Variants in KCNG2 observed in about 807,000 individuals in gnomAD.
The protein encoded by KCNG2 is potassium voltage-gated channel modifier subfamily G member 2.
KCNG2 carries 7 observed loss-of-function variants against 12.3 expected under a neutral mutation model. That is an observed-to-expected ratio of 0.57 (90% confidence interval 0.32 to 1.07). The LOEUF is 1.07. Ranked by LOEUF, KCNG2 falls within the 50% of genes least tolerant of loss-of-function variation. The probability of loss-of-function intolerance (pLI) is 0.04; values close to 1 mark genes in which losing one functional copy is unlikely to be tolerated. For missense variants in KCNG2, 703 were observed against 726.0 expected (o/e 0.97, Z 0.36); for synonymous variants, 414 against 351.4 (o/e 1.18, Z -1.99).
chr18:79,806,293 C>T (rs1344647467), intron 1 of KCNG2, among the ~76,000 whole-genome samples: 3 of 151,626 alleles, frequency 2.0e-5, no homozygotes, highest in African/African-American at 4.9e-5. Flanking sequence ...CAGGCAAGGC[C>T]GCTGTGTCGG....
chr18:79,890,531 C>G (rs981865995), intron 3 of KCNG2, among the ~76,000 whole-genome samples: 5 of 152,162 alleles, frequency 3.3e-5, no homozygotes, highest in African/African-American at 1.2e-4. Context: ...CATGAGCACC[C>G]AACGTTTAGC....
At chr18:79,850,287 G>A (rs761130706) in intron 1 of KCNG2, among the ~76,000 whole-genome samples, 73 of 152,210 alleles carry the variant, frequency 4.8e-4, no homozygotes, top group Non-Finnish European at 9.4e-4. Context: ...GGTGATTAAA[G>A]TTTGTATAAA....
chr18:79,817,778 C>T (rs1471618367), intron 1 of KCNG2, among the ~76,000 whole-genome samples: 1 of 152,244 alleles, frequency 6.6e-6, no homozygotes, highest in Non-Finnish European at 1.5e-5. Context: ...CCTGTGGCCT[C>T]ACAGCTTTGG....
intron 1 of KCNG2, among the ~76,000 whole-genome samples, chr18:79,854,876 T>C (rs1978957202): frequency 6.6e-6 from 1 of 152,142 alleles, no homozygotes; most frequent in Admixed American, 6.6e-5. Context: ...TTCTCCTCCA[T>C]GTGTGACTTT....
At chr18:79,855,096 G>A (rs189341313) in intron 1 of KCNG2, among the ~76,000 whole-genome samples, 4 of 150,878 alleles carry the variant, frequency 2.7e-5, no homozygotes, top group African/African-American at 7.3e-5. Flanking sequence ...TAATTCCTTC[G>A]TTCATTATTT....
intron 3 of KCNG2, among the ~76,000 whole-genome samples, chr18:79,897,179 C>G (rs1981009151): frequency 6.6e-6 from 1 of 151,392 alleles, no homozygotes; most frequent in Non-Finnish European, 1.5e-5. Context: ...TTTCCCTTCT[C>G]TCCTCTCCTT....
intron 3 of KCNG2, 61 bp from the exon 4 acceptor site, chr18:79,898,979 A>G (rs1981081438): frequency 7.7e-7 from 1 of 1,291,424 alleles, no homozygotes; most frequent in Admixed American, 2.9e-5. Flanking sequence ...AAGGAAGGGC[A>G]AGGCGCCCCC....
chr18:79,889,392 A>G (rs957584568), intron 3 of KCNG2, among the ~76,000 whole-genome samples: 4 of 152,190 alleles, frequency 2.6e-5, no homozygotes, highest in African/African-American at 9.7e-5. Flanking sequence ...CTTGATAACA[A>G]ATTGTTCTTT....
At chr18:79,879,956 G>A (rs541141761) in intron 3 of KCNG2, among the ~76,000 whole-genome samples, 320 of 152,290 alleles carry the variant, frequency 2.1e-3, no homozygotes, top group Non-Finnish European at 3.2e-3. Flanking sequence ...TAAAACTTCA[G>A]GAGAAACAAA....
intron 3 of KCNG2, among the ~76,000 whole-genome samples, chr18:79,894,637 T>C (rs917087868): frequency 1.6e-5 from 2 of 128,416 alleles, no homozygotes; most frequent in African/African-American, 6.2e-5. Flanking sequence ...GGGTCTGTGT[T>C]TGCTTTTGAT....
At chr18:79,859,433 C>T (rs1979135407) in intron 2 of KCNG2, among the ~76,000 whole-genome samples, 1 of 152,192 alleles carries the variant, frequency 6.6e-6, no homozygotes, top group Admixed American at 6.5e-5. Flanking sequence ...TGGCGTGGAG[C>T]TGGTGTGTGC....
intron 3 of KCNG2, among the ~76,000 whole-genome samples, chr18:79,881,589 A>C (rs1423074313): frequency 6.6e-6 from 1 of 152,238 alleles, no homozygotes; most frequent in Non-Finnish European, 1.5e-5. Flanking sequence ...AGCTAAATAC[A>C]GCTGATAATT....
chr18:79,819,369 A>C (rs1192654839), intron 1 of KCNG2, among the ~76,000 whole-genome samples: 1 of 152,180 alleles, frequency 6.6e-6, no homozygotes, highest in Non-Finnish European at 1.5e-5. Flanking sequence ...GGTGAGGCTG[A>C]GCCTCAGGGC....
At chr18:79,829,338 T>C (rs1978289847) in intron 1 of KCNG2, among the ~76,000 whole-genome samples, 2 of 151,944 alleles carry the variant, frequency 1.3e-5, no homozygotes. Context: ...GTGTGTGTCT[T>C]GTGTGTCTGT....
At chr18:79,872,475 G>C (rs543213364) in intron 3 of KCNG2, among the ~76,000 whole-genome samples, 1 of 152,044 alleles carries the variant, frequency 6.6e-6, no homozygotes, top group South Asian at 2.1e-4. Context: ...TAGTAGAGAC[G>C]GGTTTCACCA....
In KCNG2 at chr18:79,899,320, C is replaced by T. The variant is rs559125277; in HGVS notation, c.905C>T (p.Ala302Val). Reference sequence around the variant, plus strand: ...CGCGTGCTCTACGTGATGCGCCTGGCGCGCCACTCGCTGGGGCTGCGTTCG... The same window carrying T: ...CGCGTGCTCTACGTGATGCGCCTGGTGCGCCACTCGCTGGGGCTGCGTTCG... Reference protein sequence around the residue: ...ALRVLYVMRLARHSLGLRSLG... With the variant: ...ALRVLYVMRLVRHSLGLRSLG... Residue 302 changes from alanine (A) to valine (V), a missense_variant, in exon 4 of 4, where the codon GCG becomes GTG. Transcript: ENST00000316249. The T allele has an allele frequency of 4.2e-5, 65 of 1,550,404 alleles. No individual in the cohort carries two copies. Among genetic ancestry groups the T allele is most frequent in the Middle Eastern group, 3.5e-4 (2 of 5,668 alleles).
At chr18:79,825,886 G>T (rs867706601) in intron 1 of KCNG2, among the ~76,000 whole-genome samples, 1 of 152,248 alleles carries the variant, frequency 6.6e-6, no homozygotes, top group African/African-American at 2.4e-5. Context: ...CTTCCTTCCG[G>T]AAGTTTCTTT....
chr18:79,880,720 T>A (rs1980261969), intron 3 of KCNG2, among the ~76,000 whole-genome samples: 2 of 151,996 alleles, frequency 1.3e-5, no homozygotes, highest in African/African-American at 2.4e-5. Flanking sequence ...TAAATCGGGG[T>A]TGGTAAAGAC....
At chr18:79,840,195 A>G (rs1300859915) in intron 1 of KCNG2, among the ~76,000 whole-genome samples, 2 of 152,232 alleles carry the variant, frequency 1.3e-5, no homozygotes, top group African/African-American at 2.4e-5. Flanking sequence ...TGCAAATTAC[A>G]TGATTGTATA....
Sources: allele counts gnomAD v4.1 joint callset (sites outside exome capture counted in the v4.1 genomes callset), GRCh38; gene constraint gnomAD v4.1.1; transcripts MANE v1.5; gene names NCBI Gene and HGNC (gene_info 2026-07-23, HGNC 2026-07-21).